PCDHGA5: variants seen among roughly 807,000 people sequenced by gnomAD.
PCDHGA5 encodes protocadherin gamma-A5.
PCDHGA5 carries 36 observed loss-of-function variants against 56.7 expected under a neutral mutation model. That is an observed-to-expected ratio of 0.64 (90% CI 0.49 to 0.84). PCDHGA5 has a LOEUF of 0.84. Among genes scored for constraint, PCDHGA5 ranks in the 40% least tolerant of loss-of-function variants. PCDHGA5 has a pLI of 0.00. For synonymous variants in PCDHGA5, 563 were observed against 520.2 expected, an observed-to-expected ratio of 1.08 and a Z score of -1.12; for missense variants, 1,305 against 1,201.5, an observed-to-expected ratio of 1.09 and a Z score of -1.27.
Position 141,487,226 on chromosome 5 carries a change from G to A in PCDHGA5, c.2422-7581G>A. ...TCGAGAATCTTCAGCTCCAAGGGAA[G>A]GAGAATCTCGTCTAACCCTCTACTT... is the stretch of plus-strand genomic sequence containing the variant. On this transcript the variant is annotated intron_variant, in intron 1 of 3. Transcript: ENST00000518069. This position sits in a 1 kb window ranked among gnomAD's most constrained non-coding sequence, Gnocchi z 5.0. The A allele has an allele frequency of 6.2e-7, 1 of 1,614,104 alleles. No individual in the cohort carries two copies. Among genetic ancestry groups the A allele is most frequent in the South Asian group, 1.1e-5 (1 of 91,074 alleles).
intron 2 of PCDHGA5, among the ~76,000 whole-genome samples, chr5:141,505,117 G>A (rs575627148): frequency 1.8e-4 from 27 of 152,226 alleles, no homozygotes; most frequent in African/African-American, 3.6e-4. Context: ...AGCCAAGATC[G>A]CGCCACTGCA....
chr5:141,385,308 C>A, intron 1 of PCDHGA5: 1 of 1,612,216 alleles, frequency 6.2e-7, no homozygotes, highest in Non-Finnish European at 8.5e-7. Context: ...GTAAAGAAAA[C>A]CTGCCAAGTA....
chr5:141,449,147 G>T (rs2098630156), intron 1 of PCDHGA5, among the ~76,000 whole-genome samples: 1 of 152,110 alleles, frequency 6.6e-6, no homozygotes, highest in African/African-American at 2.4e-5. Flanking sequence ...AAATTGCTGG[G>T]TCAAAGAGGA....
At chr5:141,418,072 G>A in intron 1 of PCDHGA5, 1 of 1,614,058 alleles carries the variant, frequency 6.2e-7, no homozygotes, top group Non-Finnish European at 8.5e-7. Context: ...TGAGCGCGGA[G>A]AAGCTGCACT....
intron 1 of PCDHGA5, among the ~76,000 whole-genome samples, chr5:141,492,165 C>T (rs932762928): frequency 1.4e-4 from 22 of 152,210 alleles, no homozygotes; most frequent in African/African-American, 4.8e-4. Context: ...TCCCTATCCC[C>T]GCATCACCCA....
At chr5:141,397,626 C>G (rs539348100) in intron 1 of PCDHGA5, among the ~76,000 whole-genome samples, 27 of 152,256 alleles carry the variant, frequency 1.8e-4, no homozygotes, top group Middle Eastern at 3.4e-3. Context: ...TTAGTTCTAG[C>G]TAAGAGTTCA....
intron 1 of PCDHGA5, chr5:141,422,963 C>G (rs372620011): frequency 1.1e-5 from 17 of 1,614,238 alleles, no homozygotes; most frequent in Non-Finnish European, 1.4e-5. Context: ...GTGGAGCTGG[C>G]GCCCCGCTCT....
intron 1 of PCDHGA5, among the ~76,000 whole-genome samples, chr5:141,461,958 G>C (rs1048690044): frequency 4.5e-4 from 69 of 152,272 alleles, no homozygotes; most frequent in Non-Finnish European, 2.9e-4. Context: ...TGAGTAGCTG[G>C]GATTCCAGGC....
At chr5:141,394,635 C>T (rs754317215) in intron 1 of PCDHGA5, 1 of 1,613,428 alleles carries the variant, frequency 6.2e-7, no homozygotes, top group Non-Finnish European at 8.5e-7. Context: ...GTCCTACCGC[C>T]TGCTCAAGGC....
At chr5:141,402,737 G>C (rs948478466) in intron 1 of PCDHGA5, among the ~76,000 whole-genome samples, 7 of 152,158 alleles carry the variant, frequency 4.6e-5, no homozygotes, top group African/African-American at 1.4e-4. Flanking sequence ...CGCCGCTGTT[G>C]ATCAACTCTA....
rs770357830 is a variant in PCDHGA5 at position 141,392,977 on chromosome 5, A to G, written c.2421+26226A>G. On this transcript the variant is annotated intron_variant, in intron 1 of 3. Coordinates refer to ENST00000518069, the MANE Select transcript of PCDHGA5 (RefSeq NM_018918.3). ...AATATCTCCAAGGACCTGGGGCTGG[A>G]CCCCCGGAAGCTGGCGAAGCACGGA... 1.9e-6 allele frequency: 3 copies of G among 1,613,560 alleles called. No homozygotes were observed. The highest frequency in any genetic ancestry group is 4.5e-5 in the East Asian group (2 of 44,876).
At chr5:141,371,652 G>A (rs1158442459) in intron 1 of PCDHGA5, 1 of 1,614,048 alleles carries the variant, frequency 6.2e-7, no homozygotes, top group East Asian at 2.2e-5. Flanking sequence ...AGAATACAAT[G>A]TGACGATCAC....
chr5:141,404,739 G>A, intron 1 of PCDHGA5: 1 of 1,614,092 alleles, frequency 6.2e-7, no homozygotes, highest in Non-Finnish European at 8.5e-7. Flanking sequence ...GCAGTGGACA[G>A]AGACTCAGGC....
intron 1 of PCDHGA5, chr5:141,402,902 G>GA: frequency 6.6e-7 from 1 of 1,522,022 alleles, no homozygotes; most frequent in Non-Finnish European, 8.8e-7. Flanking sequence ...AGAACCTGAT[G>GA]AAGCAGCGCG....
At chr5:141,427,570 C>G (rs1487817661) in intron 1 of PCDHGA5, 8 of 662,270 alleles carry the variant, frequency 1.2e-5, no homozygotes, top group Non-Finnish European at 2.2e-5. Flanking sequence ...GGCAAGCCTC[C>G]GCTCTCATCC....
At position 141,491,267 on chromosome 5, in the gene PCDHGA5, A is replaced by C. The variant is rs1376540913; in HGVS notation, c.2422-3540A>C. ...GATGAGGACCCTGAGGAAATGCCCA[A>C]ATCCAGTGACTTCCTCATACACCCT... On this transcript the variant is annotated intron_variant, in intron 1 of 3. Coordinates refer to ENST00000518069, the MANE Select transcript of PCDHGA5 (RefSeq NM_018918.3). This position sits in a 1 kb window ranked among gnomAD's most constrained non-coding sequence, Gnocchi z 6.9. The C allele has an allele frequency of 2.5e-6, 4 of 1,613,944 alleles. No individual in the cohort carries two copies. The highest frequency in any genetic ancestry group is 3.4e-6 in the Non-Finnish European group (4 of 1,179,936).
chr5:141,485,949 T>C lies in PCDHGA5; in HGVS notation c.2422-8858T>C. Reference sequence around the variant, plus strand: ...GTGTTGGAGAGCGCACCAGCGGGCATGGTGCTCATCCAGCTCAATGCCTCA... The same window carrying C: ...GTGTTGGAGAGCGCACCAGCGGGCACGGTGCTCATCCAGCTCAATGCCTCA... On this transcript the variant is annotated intron_variant, in intron 1 of 3. Transcript: ENST00000518069. This position sits in a 1 kb window ranked among gnomAD's most constrained non-coding sequence, Gnocchi z 5.7. 2 of 1,614,178 alleles carry C rather than the reference T, an allele frequency of 1.2e-6. No individual in the cohort carries two copies.
At chr5:141,367,872 ATTC>A (rs771117453) in intron 1 of PCDHGA5, 5 of 152,254 alleles carry the variant, frequency 3.3e-5, no homozygotes, top group African/African-American at 9.6e-5. Context: ...TGTAGGTGCA[ATTC>A]TTCTTTATTA....
chr5:141,403,688 A>T (rs1385402830), intron 1 of PCDHGA5: 1 of 1,613,836 alleles, frequency 6.2e-7, no homozygotes, highest in Non-Finnish European at 8.5e-7. Flanking sequence ...TGCTCAACGG[A>T]TTTACCGAGT....
Sources: allele counts gnomAD v4.1 joint callset (sites outside exome capture counted in the v4.1 genomes callset), GRCh38; gene constraint gnomAD v4.1.1; non-coding constraint Gnocchi (gnomAD v3.1); transcripts MANE v1.5; gene names NCBI Gene and HGNC (gene_info 2026-07-23, HGNC 2026-07-21).